The following MED17 variants were observed in gnomAD, a reference collection of about 807,000 sequenced individuals.
MED17 encodes the protein mediator complex subunit 17.
MED17 carries 49 observed loss-of-function variants against 80.8 expected under a neutral mutation model. The ratio of observed to expected loss-of-function variants is 0.61; its 90% CI spans 0.48 to 0.77. The LOEUF (loss-of-function observed/expected upper bound fraction) is 0.77. Among genes scored for constraint, MED17 ranks in the 30% least tolerant of loss-of-function variants. The pLI is 0.00. For missense variants in MED17, 718 were observed against 787.0 expected, an observed-to-expected ratio of 0.91 and a Z score of 1.05; for synonymous variants, 281 against 280.4, an observed-to-expected ratio of 1.00 and a Z score of -0.02.
At position 93,794,045 on chromosome 11, in the gene MED17, T is replaced by A; in HGVS notation, c.859+10T>A. 6.3e-7 allele frequency: 1 copy of A among 1,599,716 alleles called. No homozygotes were observed. On this transcript the variant is annotated intron_variant, in intron 5 of 11. Transcript: ENST00000251871. Reference sequence around the variant, plus strand: ...CCCAAATCCAAACCAGGTATGGTTATGTTCTATTCTCTAATTTCTGGTCTT... The same window carrying A: ...CCCAAATCCAAACCAGGTATGGTTAAGTTCTATTCTCTAATTTCTGGTCTT...
chr11:93,805,646 C>T (rs1207251288), intron 9 of MED17, among the ~76,000 whole-genome samples: 1 of 152,096 alleles, frequency 6.6e-6, no homozygotes, highest in Non-Finnish European at 1.5e-5. Flanking sequence ...AAGTGGTTGC[C>T]ACAAGTATGC....
In MED17 at chr11:93,784,383, T is replaced by G. The variant is rs1943744652; in HGVS notation, c.-131T>G. The stretch of plus-strand genomic sequence containing the variant: ...TTCCAGTCTGAGCGTTGCGTTCGGT[T>G]TCCCGAGGGTCTTCTGAGGCACCGC... On this transcript the variant is annotated 5_prime_UTR_variant, in exon 1 of 12. Transcript: ENST00000251871. 1 of 1,223,748 alleles carries G rather than the reference T, an allele frequency of 8.2e-7. No homozygotes were observed. Among genetic ancestry groups the G allele is most frequent in the Non-Finnish European group, 1.1e-6 (1 of 904,376 alleles). The allele number at this position is 1,223,748 out of a possible 1,614,324, so 75.8% of individuals were successfully genotyped here. A position where few individuals can be genotyped will look rare whatever the true frequency, so the allele number is the denominator to read the frequency against.
chr11:93,801,519 T>C, intron 8 of MED17: 1 of 338,748 alleles, frequency 3.0e-6, no homozygotes. Flanking sequence ...CGAATATCCT[T>C]CTCACTCATT....
At chr11:93,797,868 G>C in intron 8 of MED17, 149 bp downstream of exon 8, 2 of 698,956 alleles carry the variant, frequency 2.9e-6, no homozygotes, top group Non-Finnish European at 4.8e-6. Context: ...TCATAGACTG[G>C]GTCCTGTCAA....
At chr11:93,805,138 A>T (rs560331567) in intron 9 of MED17, among the ~76,000 whole-genome samples, 95 of 152,242 alleles carry the variant, frequency 6.2e-4, no homozygotes, top group African/African-American at 2.2e-3. Flanking sequence ...GATCTACCTC[A>T]TTTTTTTCTT....
chr11:93,790,532 T>A, intron 2 of MED17, 42 bp from the exon 3 acceptor site: 1 of 1,556,044 alleles, frequency 6.4e-7, no homozygotes, highest in Non-Finnish European at 8.8e-7. Context: ...TAGAGTCATT[T>A]AAAAATCCTG....
intron 10 of MED17, 99 bp from the exon 11 acceptor site, chr11:93,809,618 C>A: frequency 8.1e-7 from 1 of 1,236,558 alleles, no homozygotes; most frequent in Non-Finnish European, 1.2e-6. Context: ...CTGTAGTAGT[C>A]AGTGAGCACC....
chr11:93,784,867 T>TC (rs1369307990), intron 1 of MED17, 104 bp downstream of exon 1: 1 of 1,450,532 alleles, frequency 6.9e-7, no homozygotes, highest in East Asian at 2.5e-5. Flanking sequence ...TGCGAGAACT[T>TC]TTGAGTGTCC....
chr11:93,808,287 T>C (rs2508574), intron 10 of MED17: 143,929 of 150,956 alleles, frequency 0.95, 69,051 homozygotes, highest in Middle Eastern at 1. Flanking sequence ...TGCCTGAGCC[T>C]GGGTGTTCAA....
chr11:93,804,723 A>G (rs1223674606), intron 9 of MED17, among the ~76,000 whole-genome samples: 1 of 152,246 alleles, frequency 6.6e-6, no homozygotes, highest in African/African-American at 2.4e-5. Context: ...GACACAGTTC[A>G]GTGGTCTTTA....
intron 1 of MED17, among the ~76,000 whole-genome samples, chr11:93,787,291 T>C (rs914581056): frequency 2.0e-5 from 3 of 151,966 alleles, no homozygotes; most frequent in South Asian, 2.1e-4. Flanking sequence ...TGGGTGCTTG[T>C]AGTCCCAGCT....
intron 9 of MED17, among the ~76,000 whole-genome samples, chr11:93,805,805 A>G (rs999341201): frequency 6.6e-6 from 1 of 151,988 alleles, no homozygotes; most frequent in Non-Finnish European, 1.5e-5. Flanking sequence ...AGTACATCAA[A>G]ATTACAACTT....
chr11:93,799,919 C>A (rs533079900), intron 8 of MED17, among the ~76,000 whole-genome samples: 108 of 151,082 alleles, frequency 7.1e-4, no homozygotes, highest in African/African-American at 2.6e-3. Flanking sequence ...TTATATCCTT[C>A]TGAGTTCATA....
chr11:93,796,293 T>C, intron 6 of MED17, 117 bp from the exon 7 acceptor site: 2 of 1,031,954 alleles, frequency 1.9e-6, no homozygotes, highest in Non-Finnish European at 3.0e-6. Flanking sequence ...TGAGGTCTGA[T>C]CTTCAAGTTT....
At position 93,812,097 on chromosome 11, in the gene MED17, G is replaced by C. The variant is rs1421722296; in HGVS notation, c.*33G>C. 6.3e-7 allele frequency: 1 copy of C among 1,584,562 alleles called. No homozygotes were observed. The highest frequency in any genetic ancestry group is 8.7e-7 in the Non-Finnish European group (1 of 1,153,472). On this transcript the variant is annotated 3_prime_UTR_variant, in exon 12 of 12. Coordinates refer to ENST00000251871, the MANE Select transcript of MED17 (RefSeq NM_004268.5). ...CAGATGTTTCCTAAAGAAGTTTCCA[G>C]AAACTTTGACTTGAAATGTTTGCAG...
At position 93,796,444 on chromosome 11, in the gene MED17, A is replaced by C. The variant is rs778206800; in HGVS notation, c.1047A>C (p.Ser349=). The C allele has an allele frequency of 6.2e-7, 1 of 1,613,282 alleles. No individual in the cohort carries two copies. The highest frequency in any genetic ancestry group is 1.1e-5 in the South Asian group (1 of 91,054). ...TATCTATTTCTTTGTGCCATTCCTC[A>C]AATGATAAGAAATCCCAAAAATTTG... ...LQLSISLCHS[S]NDKKSQKFAT... Residue 349 remains serine, a synonymous_variant, in exon 7 of 12, where the codon TCA becomes TCC. Transcript: ENST00000251871.
At chr11:93,795,202 C>A in intron 6 of MED17, 142 bp downstream of exon 6, 1 of 910,830 alleles carries the variant, frequency 1.1e-6, no homozygotes, top group South Asian at 1.3e-5. Context: ...GCCAGTAAAG[C>A]ATGTAACACA....
At chr11:93,788,308 C>G in intron 2 of MED17, 141 bp downstream of exon 2, 1 of 676,546 alleles carries the variant, frequency 1.5e-6, no homozygotes, top group South Asian at 1.8e-5. Context: ...TGGTCTAAAA[C>G]AAAGCCATAC....
intron 10 of MED17, 85 bp from the exon 11 acceptor site, chr11:93,809,632 A>C: frequency 6.9e-7 from 1 of 1,459,168 alleles, no homozygotes; most frequent in Non-Finnish European, 9.6e-7. Flanking sequence ...GAGCACCCCA[A>C]CAAAAGTTTA....
Sources: gnomAD v4.1 joint callset for allele counts (sites outside exome capture counted in the v4.1 genomes callset) on GRCh38, gnomAD v4.1.1 for gene constraint, MANE v1.5 for transcripts, NCBI Gene and HGNC (gene_info 2026-07-23, HGNC 2026-07-21) for gene names.